Variants in MYOM2 observed in about 807,000 individuals in gnomAD.
MYOM2 encodes the protein myomesin-2.
MYOM2 carries 254 observed loss-of-function variants against 187.6 expected under a neutral mutation model. That is an observed-to-expected ratio of 1.35 (90% confidence interval 1.22 to 1.50). The LOEUF (loss-of-function observed/expected upper bound fraction) is 1.50. MYOM2 is among the 40% of genes most tolerant of loss of function. MYOM2 has a pLI of 0.00. For synonymous variants in MYOM2, 981 were observed against 753.8 expected (o/e 1.30, Z -4.94); for missense variants, 2,796 against 1,924.0 (o/e 1.45, Z -8.48).
intron 32 of MYOM2, among the ~76,000 whole-genome samples, chr8:2,136,216 A>G (rs114617168): frequency 0.13 from 19,802 of 152,184 alleles, 2,183 homozygotes; most frequent in African/African-American, 0.28. Context: ...TCCCCGGCTC[A>G]TGGCTACCTT....
intron 15 of MYOM2, among the ~76,000 whole-genome samples, chr8:2,091,777 G>C (rs113368184): frequency 0.011 from 1,742 of 152,282 alleles, 25 homozygotes; most frequent in African/African-American, 0.037. Context: ...AAAAATGACA[G>C]TGTCCATCAC....
chr8:2,090,804 C>G (rs913711324), intron 15 of MYOM2, among the ~76,000 whole-genome samples: 1 of 152,146 alleles, frequency 6.6e-6, no homozygotes, highest in Non-Finnish European at 1.5e-5. Context: ...TGGTCTTGTT[C>G]TTTTTTATGG....
chr8:2,069,591 T>C lies in MYOM2; in HGVS notation c.793+94T>C, dbSNP rs1819145307. ...TGGTTTCCTAAGGGCCAAATCTTTT[T>C]TTTTTTTTGAGACGGAGTCTCACTC... On this transcript the variant is annotated intron_variant, in intron 8 of 36. Transcript: ENST00000262113. 6.7e-6 allele frequency: 10 copies of C among 1,502,482 alleles called. No individual in the cohort carries two copies. The East Asian group carries it at 2.3e-4, about 34-fold the overall frequency. The allele number at this position is 1,502,482 out of a possible 1,614,324, so 93.1% of individuals were successfully genotyped here.
Position 2,085,510 on chromosome 8 carries a change from G to T in MYOM2, c.1644+120G>T, listed in dbSNP as rs58584586. 6.8e-4 allele frequency: 641 copies of T among 940,754 alleles called. 66 individuals carry two copies. Among genetic ancestry groups the T allele is most frequent in the African/African-American group, 3.6e-3 (171 of 47,538 alleles). 58.3% of individuals were successfully genotyped at this position (940,754 alleles called of 1,614,324 possible). ...GTGGCCCCTCACTGTTGTGATCTCC[G>T]CGTGGCCCCCCACTGTTGTGATCTC... On this transcript the variant is annotated intron_variant, in intron 14 of 36. Transcript: ENST00000262113.
chr8:2,071,834 TG>T (rs1819232359), intron 8 of MYOM2, among the ~76,000 whole-genome samples: 1 of 152,304 alleles, frequency 6.6e-6, no homozygotes, highest in African/African-American at 2.4e-5. Flanking sequence ...TGACGGCACC[TG>T]CTCACGGTGT....
chr8:2,069,840 T>A (rs1166988905), intron 8 of MYOM2, among the ~76,000 whole-genome samples: 1 of 152,242 alleles, frequency 6.6e-6, no homozygotes, highest in Non-Finnish European at 1.5e-5. Context: ...GACTTTACGT[T>A]TTTGAACTGG....
At chr8:2,122,462 C>T (rs1231343392) in intron 28 of MYOM2, among the ~76,000 whole-genome samples, 2 of 152,200 alleles carry the variant, frequency 1.3e-5, no homozygotes, top group African/African-American at 4.8e-5. Context: ...ATGCCATTTC[C>T]CATAGCGGAT....
intron 32 of MYOM2, among the ~76,000 whole-genome samples, chr8:2,136,396 A>C (rs1433632982): frequency 2.0e-5 from 3 of 152,196 alleles, no homozygotes; most frequent in Non-Finnish European, 4.4e-5. Flanking sequence ...GAAGTGCACC[A>C]AGTGGGCCAG....
At chr8:2,131,581 A>G (rs1250372257) in intron 32 of MYOM2, among the ~76,000 whole-genome samples, 1 of 151,958 alleles carries the variant, frequency 6.6e-6, no homozygotes, top group African/African-American at 2.4e-5. Flanking sequence ...TAAAAGTAAC[A>G]TTATTTCTAT....
chr8:2,092,360 C>T lies in MYOM2; in HGVS notation c.1843C>T (p.Pro615Ser). Residue 615 changes from proline (P) to serine (S), a missense_variant, in exon 16 of 37, where the codon CCG (proline) becomes TCG (serine). Physicochemically the swap from Pro to Ser is moderately conservative, Grantham distance 74. Coordinates refer to ENST00000262113, the MANE Select transcript of MYOM2 (RefSeq NM_003970.4). ...AQDVTVVPSA[P>S]GRVLASRNTK... ...CCTACGAAAAGTTGTCCCTTCTGCT[C>T]CGGGTCGGGTTCTTGCTTCCCGAAA... The T allele has an allele frequency of 1.2e-6, 2 of 1,614,050 alleles. No individual in the cohort carries two copies.
At chr8:2,113,690 C>A (rs144703206) in intron 25 of MYOM2, among the ~76,000 whole-genome samples, 1 of 152,156 alleles carries the variant, frequency 6.6e-6, no homozygotes, top group Non-Finnish European at 1.5e-5. Context: ...AAGGAAGTTC[C>A]GGTCCTGACC....
At chr8:2,053,000 G>C (rs1171155221) in intron 3 of MYOM2, among the ~76,000 whole-genome samples, 1 of 152,224 alleles carries the variant, frequency 6.6e-6, no homozygotes, top group Non-Finnish European at 1.5e-5. Flanking sequence ...GTGGTGATAT[G>C]GCTTTGATCT....
intron 27 of MYOM2, among the ~76,000 whole-genome samples, chr8:2,117,219 T>C (rs1797279140): frequency 6.6e-6 from 1 of 152,234 alleles, no homozygotes; most frequent in Non-Finnish European, 1.5e-5. Context: ...ATTATGAACA[T>C]TTTTGGGCCA....
chr8:2,077,569 G>T (rs1380105779), intron 11 of MYOM2, among the ~76,000 whole-genome samples: 1 of 152,134 alleles, frequency 6.6e-6, no homozygotes. Flanking sequence ...AGACAGTTCT[G>T]CAGGGAGTGC....
intron 36 of MYOM2, 130 bp downstream of exon 36, chr8:2,143,586 C>T (rs1798354169): frequency 9.0e-7 from 1 of 1,105,542 alleles, no homozygotes; most frequent in South Asian, 1.3e-5. Context: ...GCAGGGAACC[C>T]AGAGTCCCCC....
chr8:2,073,665 G>C (rs543816992), intron 10 of MYOM2, among the ~76,000 whole-genome samples, 165 bp downstream of exon 10: 2 of 152,188 alleles, frequency 1.3e-5, no homozygotes, highest in Non-Finnish European at 2.9e-5. Context: ...GCATGGGCAC[G>C]CCAGGTGCTT....
In MYOM2 at chr8:2,088,715, T is replaced by G. The variant is rs552296266; in HGVS notation, c.1645-1293T>G. Among the ~76,000 whole-genome samples the G allele has an allele frequency of 1.2e-4, 19 of 152,350 alleles. No homozygotes were observed. In the South Asian group the frequency reaches 3.7e-3, roughly 30 times the overall value. On this transcript the variant is annotated intron_variant, in intron 14 of 36. Transcript: ENST00000262113. Reference sequence around the variant, plus strand: ...GTCTTTACTTTTGAGAACAGTGCTGTGATGGTAATACAAGTGCATGCATCT... The same window carrying G: ...GTCTTTACTTTTGAGAACAGTGCTGGGATGGTAATACAAGTGCATGCATCT...
chr8:2,080,227 A>C (rs761068500), intron 13 of MYOM2, among the ~76,000 whole-genome samples: 39 of 152,226 alleles, frequency 2.6e-4, no homozygotes, highest in Non-Finnish European at 4.7e-4. Context: ...GAAAACATAA[A>C]AAGAAAGATT....
chr8:2,069,990 A>G (rs1413761865), intron 8 of MYOM2, among the ~76,000 whole-genome samples: 1 of 152,172 alleles, frequency 6.6e-6, no homozygotes, highest in African/African-American at 2.4e-5. Flanking sequence ...GCAGTGCAGC[A>G]GGCTTTGGTC....
Sources: gnomAD v4.1 joint callset for allele counts (sites outside exome capture counted in the v4.1 genomes callset) on GRCh38, gnomAD v4.1.1 for gene constraint, MANE v1.5 for transcripts, NCBI Gene and HGNC (gene_info 2026-07-23, HGNC 2026-07-21) for gene names.